The following DAZAP2 variants were observed in gnomAD, a reference collection of about 807,000 sequenced individuals.
DAZAP2 encodes the protein DAZ associated protein 2.
Under a neutral mutation model 16.2 loss-of-function variants are expected in DAZAP2, and 3 were observed. That is an observed-to-expected ratio of 0.19 (90% CI 0.08 to 0.48). DAZAP2 has a LOEUF of 0.48. Ranked by LOEUF, DAZAP2 falls within the 20% of genes least tolerant of loss-of-function variation. DAZAP2 has a pLI of 0.98. For synonymous variants in DAZAP2, 69 were observed against 77.6 expected (o/e 0.89, Z 0.58); for missense variants, 172 against 215.9 (o/e 0.80, Z 1.27).
intron 1 of DAZAP2, chr12:51,239,811 G>C (rs1006144473): frequency 6.5e-6 from 1 of 153,814 alleles, no homozygotes; most frequent in Non-Finnish European, 1.4e-5. Context: ...CTGATCCCCC[G>C]CTTTTCCAGT....
At chr12:51,244,022 A>T (rs1018620066), downstream of DAZAP2, 1 of 649,644 alleles carries the variant, frequency 1.5e-6, no homozygotes, top group Non-Finnish European at 1.9e-6. Context: ...TTTCGGACCT[A>T]AACTTAGAAA....
chr12:51,243,370 T>G lies in DAZAP2; in HGVS notation c.*912T>G. On this transcript the variant is annotated 3_prime_UTR_variant, in exon 4 of 4. Coordinates refer to ENST00000412716, the MANE Select transcript of DAZAP2 (RefSeq NM_014764.4). ...GTGTTCAGAGCTAAATTAAGAGGAG[T>G]TTTCAGATCAAAAACTGGTTACCAT... is the stretch of plus-strand genomic sequence containing the variant. 1.0e-6 allele frequency: 1 copy of G among 985,588 alleles called. No individual in the cohort carries two copies. The highest frequency in any genetic ancestry group is 1.2e-6 in the Non-Finnish European group (1 of 829,888). The allele number at this position is 985,588 out of a possible 1,614,324, so 61.1% of individuals were successfully genotyped here. A position where few individuals can be genotyped will look rare whatever the true frequency, so the allele number is the denominator to read the frequency against.
chr12:51,242,852 A>G lies in DAZAP2; in HGVS notation c.*394A>G. 1 of 1,369,650 alleles carries G rather than the reference A, an allele frequency of 7.3e-7. No individual in the cohort carries two copies. Among genetic ancestry groups the G allele is most frequent in the Non-Finnish European group, 9.4e-7 (1 of 1,066,966 alleles). The allele number at this position is 1,369,650 out of a possible 1,614,324, so 84.8% of individuals were successfully genotyped here. Reference sequence around the variant, plus strand: ...GCCAAATTATTCTGATTGGTCTTTAATCTCCTTTAAGTCTTTGATATATAT... The same window carrying G: ...GCCAAATTATTCTGATTGGTCTTTAGTCTCCTTTAAGTCTTTGATATATAT... On this transcript the variant is annotated 3_prime_UTR_variant, in exon 4 of 4. Coordinates refer to ENST00000412716, the MANE Select transcript of DAZAP2 (RefSeq NM_014764.4).
rs921614168 is a variant in DAZAP2 at position 51,243,209 on chromosome 12, T to TA, written c.*753dup. ...TAGGTTGTCTCTGCATACACGAACC[T>TA]AACCCAAATTTGCTTTGGTGCCAGA... On this transcript the variant is annotated 3_prime_UTR_variant, in exon 4 of 4. Coordinates refer to ENST00000412716, the MANE Select transcript of DAZAP2 (RefSeq NM_014764.4). 7 of 985,934 alleles carry TA rather than the reference T, an allele frequency of 7.1e-6. No individual in the cohort carries two copies. In the African/African-American group the frequency reaches 1.0e-4, roughly 15 times the overall value. The allele number at this position is 985,934 out of a possible 1,614,324, so 61.1% of individuals were successfully genotyped here.
Position 51,238,893 on chromosome 12 carries a change from G to A in DAZAP2, c.-15G>A, listed in dbSNP as rs756572555. Reference sequence around the variant, plus strand: ...ACCGTCCGCGACGCCGAGACAAACCGGACCCGCAACCACCATGAACAGCAA... The same window carrying A: ...ACCGTCCGCGACGCCGAGACAAACCAGACCCGCAACCACCATGAACAGCAA... On this transcript the variant is annotated 5_prime_UTR_variant, in exon 1 of 4. Transcript: ENST00000412716. 4.2e-5 allele frequency: 67 copies of A among 1,613,312 alleles called. No individual in the cohort carries two copies. Among genetic ancestry groups the A allele is most frequent in the Non-Finnish European group, 5.3e-5 (63 of 1,179,882 alleles).
chr12:51,246,662 G>A (rs1351881564), downstream of DAZAP2: 25 of 844,740 alleles, frequency 3.0e-5, no homozygotes, highest in Middle Eastern at 7.3e-4. Flanking sequence ...AAGCCAGAGT[G>A]AGCCCATTAA....
At chr12:51,245,654 A>C (rs919316021), downstream of DAZAP2, 2 of 352,910 alleles carry the variant, frequency 5.7e-6, no homozygotes, top group African/African-American at 4.1e-5. Flanking sequence ...AAAAAAGATG[A>C]CTGGGCACAT....
intron 1 of DAZAP2, chr12:51,239,135 C>G: frequency 1.5e-6 from 1 of 650,866 alleles, no homozygotes; most frequent in Non-Finnish European, 2.5e-6. Context: ...AACTCTGTGG[C>G]GCAGTTTGGA....
At position 51,243,184 on chromosome 12, in the gene DAZAP2, T is replaced by A. The variant is rs1403366797; in HGVS notation, c.*726T>A. The A allele has an allele frequency of 3.0e-6, 3 of 986,016 alleles. No homozygotes were observed. The African/African-American group carries it at 5.2e-5, about 17-fold the overall frequency. 61.1% of individuals were successfully genotyped at this position (986,016 alleles called of 1,614,324 possible). On this transcript the variant is annotated 3_prime_UTR_variant, in exon 4 of 4. Transcript: ENST00000412716. ...GAGGGTGCCTTATGGGCCCTCCTCATAGGTTGTCTCTGCATACACGAACCT... is the reference window on the plus strand; with the variant it reads ...GAGGGTGCCTTATGGGCCCTCCTCAAAGGTTGTCTCTGCATACACGAACCT...
intron 3 of DAZAP2, 94 bp from the exon 4 acceptor site, chr12:51,242,236 C>T: frequency 2.0e-6 from 3 of 1,489,314 alleles, no homozygotes; most frequent in Non-Finnish European, 2.7e-6. Flanking sequence ...CTGGTTAGCA[C>T]ATTGCCTCAT....
chr12:51,241,567 C>T (rs181480104), intron 3 of DAZAP2, among the ~76,000 whole-genome samples: 30 of 151,140 alleles, frequency 2.0e-4, no homozygotes, highest in Admixed American at 3.9e-4. Flanking sequence ...CTTAATTCCC[C>T]AGTGCGTGGG....
downstream of DAZAP2, chr12:51,246,188 T>A: frequency 1.3e-6 from 2 of 1,560,932 alleles, no homozygotes; most frequent in Non-Finnish European, 1.7e-6. Flanking sequence ...CCTGGAGTCA[T>A]CTGATTTAGT....
In DAZAP2 at chr12:51,240,329, T is replaced by C; in HGVS notation, c.14-14T>C. 8 of 1,608,156 alleles carry C rather than the reference T, an allele frequency of 5.0e-6. No individual in the cohort carries two copies. The highest frequency in any genetic ancestry group is 6.0e-6 in the Non-Finnish European group (7 of 1,174,648). On this transcript the variant is annotated splice_polypyrimidine_tract_variant and intron_variant, in intron 1 of 3. Coordinates refer to ENST00000412716, the MANE Select transcript of DAZAP2 (RefSeq NM_014764.4). Reference sequence around the variant, plus strand: ...TGTGTAGTAGGCAACCTTCATTTTTTTCTTGTCTTTCAGGTCAATATCCAA... The same window carrying C: ...TGTGTAGTAGGCAACCTTCATTTTTCTCTTGTCTTTCAGGTCAATATCCAA...
chr12:51,245,971 C>T, downstream of DAZAP2: 1 of 1,613,884 alleles, frequency 6.2e-7, no homozygotes, highest in South Asian at 1.1e-5. Flanking sequence ...TCTCGCTGCC[C>T]TTGGCCAAGT....
intron 3 of DAZAP2, 104 bp from the exon 4 acceptor site, chr12:51,242,226 C>A: frequency 6.8e-7 from 1 of 1,460,434 alleles, no homozygotes; most frequent in Admixed American, 2.4e-5. Context: ...TAAAACGCAG[C>A]TGGTTAGCAC....
In DAZAP2 at chr12:51,238,889, A is replaced by C; in HGVS notation, c.-19A>C. 1 of 1,613,470 alleles carries C rather than the reference A, an allele frequency of 6.2e-7. No individual in the cohort carries two copies. Among genetic ancestry groups the C allele is most frequent in the Non-Finnish European group, 8.5e-7 (1 of 1,179,896 alleles). On this transcript the variant is annotated 5_prime_UTR_variant, in exon 1 of 4. Transcript: ENST00000412716. ...AATAACCGTCCGCGACGCCGAGACA[A>C]ACCGGACCCGCAACCACCATGAACA...
rs1944707167 is a variant in DAZAP2, at chr12:51,242,994, A to G, written c.*536A>G. The stretch of plus-strand genomic sequence containing the variant: ...CCTCCCGCCAGTCTCCATTGAATCA[A>G]TGGTGCAGGACAGAAAGCCAGTCAG... On this transcript the variant is annotated 3_prime_UTR_variant, in exon 4 of 4. Transcript: ENST00000412716. 6 of 1,050,754 alleles carry G rather than the reference A, an allele frequency of 5.7e-6. No individual in the cohort carries two copies. Among genetic ancestry groups the G allele is most frequent in the South Asian group, 3.3e-5 (1 of 30,652 alleles). 65.1% of individuals were successfully genotyped at this position (1,050,754 alleles called of 1,614,324 possible).
downstream of DAZAP2, chr12:51,246,081 C>T (rs773626779): frequency 2.4e-5 from 39 of 1,613,678 alleles, no homozygotes; most frequent in Admixed American, 3.3e-5. Flanking sequence ...ATCAAGATCA[C>T]GACCGAGAGC....
downstream of DAZAP2, chr12:51,245,638 C>A: frequency 3.3e-6 from 1 of 306,768 alleles, no homozygotes; most frequent in Non-Finnish European, 6.2e-6. Context: ...CTCCCTTCAA[C>A]CTGTGAAAAA....
Sources: allele counts gnomAD v4.1 joint callset (sites outside exome capture counted in the v4.1 genomes callset), GRCh38; gene constraint gnomAD v4.1.1; transcripts MANE v1.5; gene names NCBI Gene and HGNC (gene_info 2026-07-23, HGNC 2026-07-21).